The following MGAT4C variants were observed in gnomAD, a reference collection of about 807,000 sequenced individuals.
MGAT4C encodes the protein MGAT4 family member C.
Under a neutral mutation model 40.1 loss-of-function variants are expected in MGAT4C, and 19 were observed. The ratio of observed to expected loss-of-function variants is 0.47; its 90% CI spans 0.33 to 0.70. MGAT4C has a LOEUF of 0.70. Among genes scored for constraint, MGAT4C ranks in the 30% least tolerant of loss-of-function variants. MGAT4C has a pLI of 0.02. For missense variants in MGAT4C, 491 were observed against 563.2 expected, an observed-to-expected ratio of 0.87 and a Z score of 1.30; for synonymous variants, 181 against 187.1, an observed-to-expected ratio of 0.97 and a Z score of 0.27.
intron 1 of MGAT4C, among the ~76,000 whole-genome samples, chr12:86,772,904 AC>A (rs1018310510): frequency 2.0e-5 from 3 of 152,096 alleles, no homozygotes; most frequent in African/African-American, 7.2e-5. Flanking sequence ...AGTCTCACCC[AC>A]ACGTGGATCA....
At chr12:86,363,079 T>A (rs1460964648) in intron 3 of MGAT4C, among the ~76,000 whole-genome samples, 1 of 151,820 alleles carries the variant, frequency 6.6e-6, no homozygotes, top group Non-Finnish European at 1.5e-5. Context: ...CAAAGAGAAA[T>A]AACCAAATTC....
chr12:86,537,894 C>G (rs1238734267), intron 2 of MGAT4C, among the ~76,000 whole-genome samples: 1 of 152,102 alleles, frequency 6.6e-6, no homozygotes, highest in Non-Finnish European at 1.5e-5. Flanking sequence ...CAAGACCAGG[C>G]TGGCCAACAT....
At chr12:86,558,157 A>G (rs1038162899) in intron 2 of MGAT4C, among the ~76,000 whole-genome samples, 1 of 152,092 alleles carries the variant, frequency 6.6e-6, no homozygotes, top group African/African-American at 2.4e-5. Flanking sequence ...TAATAACACC[A>G]TCAGACAAAA....
intron 2 of MGAT4C, among the ~76,000 whole-genome samples, chr12:86,025,749 T>C (rs1890187506): frequency 6.6e-6 from 1 of 151,688 alleles, no homozygotes; most frequent in Non-Finnish European, 1.5e-5. Context: ...ATTTATTTAT[T>C]ATGGAAAAAA....
intron 1 of MGAT4C, among the ~76,000 whole-genome samples, chr12:86,179,112 C>T (rs1186312596): frequency 6.6e-6 from 1 of 152,168 alleles, no homozygotes. Flanking sequence ...GTAATTAAAT[C>T]ATGGTGGCTG....
intron 2 of MGAT4C, among the ~76,000 whole-genome samples, chr12:86,008,014 A>G (rs11117156): frequency 0.033 from 4,716 of 143,578 alleles, 97 homozygotes; most frequent in Middle Eastern, 0.07. Context: ...TCTATTAGGT[A>G]TATGTCTCTA....
chr12:86,123,588 T>C (rs1242692558), intron 1 of MGAT4C, among the ~76,000 whole-genome samples: 12 of 152,138 alleles, frequency 7.9e-5, no homozygotes, highest in Admixed American at 7.9e-4. Flanking sequence ...ACTGAGTGCT[T>C]GGTATGTACT....
chr12:86,637,776 C>T (rs377376200), intron 2 of MGAT4C, among the ~76,000 whole-genome samples: 19 of 151,980 alleles, frequency 1.3e-4, no homozygotes, highest in African/African-American at 4.1e-4. Context: ...ATCAGTAGCA[C>T]TTCCTTCTTC....
Position 86,162,743 on chromosome 12 carries a change from T to C in MGAT4C, c.-57+93496A>G, listed in dbSNP as rs554565263. On this transcript the variant is annotated intron_variant, in intron 1 of 4. Transcript: ENST00000611864. ...CAAATATATCATTAGCAAATGTTGT[T>C]AACTAGGAAAGCAAATATTCATTAA... Among the ~76,000 whole-genome samples the C allele has an allele frequency of 3.9e-5, 6 of 152,302 alleles. No individual in the cohort carries two copies. In the East Asian group the frequency reaches 1.2e-3, roughly 29 times the overall value.
chr12:86,240,648 C>T (rs1268930343), intron 1 of MGAT4C, among the ~76,000 whole-genome samples: 1 of 152,026 alleles, frequency 6.6e-6, no homozygotes, highest in Non-Finnish European at 1.5e-5. Context: ...GTCCCTCCAG[C>T]CCCTCCCCTG....
intron 2 of MGAT4C, among the ~76,000 whole-genome samples, chr12:86,472,708 T>C (rs973177702): frequency 1.3e-5 from 2 of 152,208 alleles, no homozygotes; most frequent in African/African-American, 2.4e-5. Flanking sequence ...CAAACTAAGA[T>C]ATTTGCATTT....
At chr12:86,725,347 C>A (rs1455472474) in intron 2 of MGAT4C, among the ~76,000 whole-genome samples, 5 of 152,152 alleles carry the variant, frequency 3.3e-5, no homozygotes, top group African/African-American at 9.7e-5. Context: ...TAGCCTTAAA[C>A]AACTTGGGTG....
chr12:86,091,798 T>C (rs2135571490), intron 1 of MGAT4C, among the ~76,000 whole-genome samples: 1 of 152,200 alleles, frequency 6.6e-6, no homozygotes, highest in Non-Finnish European at 1.5e-5. Flanking sequence ...ATAACATCTC[T>C]GTATTAACAG....
intron 1 of MGAT4C, among the ~76,000 whole-genome samples, chr12:86,780,072 T>C (rs1951811966): frequency 6.6e-6 from 1 of 152,080 alleles, no homozygotes; most frequent in Non-Finnish European, 1.5e-5. Context: ...TTTTTAATTA[T>C]AGACTTATAT....
At chr12:86,621,989 T>C (rs1404301411) in intron 2 of MGAT4C, among the ~76,000 whole-genome samples, 1 of 152,164 alleles carries the variant, frequency 6.6e-6, no homozygotes, top group Non-Finnish European at 1.5e-5. Flanking sequence ...ACTCTACAGA[T>C]TCTAAAGTGT....
intron 3 of MGAT4C, among the ~76,000 whole-genome samples, chr12:86,414,432 TCA>T: frequency 6.6e-6 from 1 of 152,284 alleles, no homozygotes; most frequent in African/African-American, 2.4e-5. Flanking sequence ...AATCCTATTC[TCA>T]TAAGAACAAT....
intron 1 of MGAT4C, among the ~76,000 whole-genome samples, chr12:86,176,101 G>A (rs986059873): frequency 2.0e-5 from 3 of 152,176 alleles, no homozygotes; most frequent in Admixed American, 2.0e-4. Context: ...GCTGATCCTG[G>A]AACCAAACTT....
At chr12:86,531,961 T>C (rs898858635) in intron 2 of MGAT4C, among the ~76,000 whole-genome samples, 2 of 152,016 alleles carry the variant, frequency 1.3e-5, no homozygotes, top group East Asian at 1.9e-4. Context: ...TAGTCAACTC[T>C]ATGGAATCAT....
At position 86,035,186 on chromosome 12, in the gene MGAT4C, C is replaced by G. The variant is rs1426250460; in HGVS notation, c.-7+14488G>C. 2.3e-4 allele frequency among the ~76,000 whole-genome samples: 35 copies of G among 150,132 alleles called. 2 individuals are homozygous for G. The Admixed American group carries it at 2.3e-3, about 10-fold the overall frequency. ...TGGTTGAACTAATTTACACTCCTAC[C>G]AGCAGTGTAAAAGCATTTCTATTTT... On this transcript the variant is annotated intron_variant, in intron 2 of 4. Transcript: ENST00000611864.
Sources: gnomAD v4.1 joint callset for allele counts (sites outside exome capture counted in the v4.1 genomes callset) on GRCh38, gnomAD v4.1.1 for gene constraint, MANE v1.5 for transcripts, NCBI Gene and HGNC (gene_info 2026-07-23, HGNC 2026-07-21) for gene names.